Variants in FILIP1L observed in about 807,000 individuals in gnomAD.
FILIP1L encodes the protein filamin A interacting protein 1 like, also known as filamin A-interacting protein 1-like.
Under a neutral mutation model 96.6 loss-of-function variants are expected in FILIP1L, and 55 were observed. That is an observed-to-expected ratio of 0.57 (90% CI 0.46 to 0.71). The LOEUF (loss-of-function observed/expected upper bound fraction) is 0.71. Ranked by LOEUF, FILIP1L falls within the 30% of genes least tolerant of loss-of-function variation. FILIP1L has a pLI of 0.00. For synonymous variants in FILIP1L, 467 were observed against 473.9 expected, an observed-to-expected ratio of 0.99 and a Z score of 0.19; for missense variants, 1,304 against 1,321.2, an observed-to-expected ratio of 0.99 and a Z score of 0.20.
rs757846241 is a variant in FILIP1L, at chr3:99,849,445, G to A, written c.2231C>T (p.Ser744Leu). 1 of 1,614,056 alleles carries A rather than the reference G, an allele frequency of 6.2e-7. No individual in the cohort carries two copies. The highest frequency in any genetic ancestry group is 8.5e-7 in the Non-Finnish European group (1 of 1,179,982). ...TTGATTTAGTTTTTTTTGCAGGACT[G>A]AGTGATCTCCCTGGAGGTGACATAT... ...DLICHLQGDH[S>L]VLQKKLNQQE... The change falls in exon 5 of 6, where the codon TCA becomes TTA. Residue 744 changes from serine to leucine, a missense_variant. By Grantham distance (145) the Ser-to-Leu change is moderately radical. Coordinates refer to ENST00000477258, the MANE Select transcript of FILIP1L (RefSeq NM_001387850.1).
chr3:99,891,772 C>A (rs1054193091), intron 4 of FILIP1L, among the ~76,000 whole-genome samples: 5 of 152,174 alleles, frequency 3.3e-5, no homozygotes, highest in African/African-American at 7.2e-5. Flanking sequence ...CATTTCCATT[C>A]ATTGCTCAGC....
At chr3:100,001,307 T>C (rs1298798877) in intron 1 of FILIP1L, among the ~76,000 whole-genome samples, 7 of 152,214 alleles carry the variant, frequency 4.6e-5, no homozygotes, top group Non-Finnish European at 8.8e-5. Context: ...CATTTACATA[T>C]TATCTATCGC....
intron 4 of FILIP1L, among the ~76,000 whole-genome samples, chr3:99,858,261 C>T (rs188492503): frequency 4.9e-4 from 75 of 152,026 alleles, no homozygotes; most frequent in African/African-American, 1.7e-3. Flanking sequence ...GTGAGGAGAT[C>T]GAGACCATCC....
intron 1 of FILIP1L, among the ~76,000 whole-genome samples, chr3:100,099,804 A>G (rs928865491): frequency 6.6e-6 from 1 of 152,226 alleles, no homozygotes; most frequent in African/African-American, 2.4e-5. Context: ...AGAGCCAGAC[A>G]TTTGAACCAC....
chr3:99,970,633 T>C (rs1708785385), intron 1 of FILIP1L, among the ~76,000 whole-genome samples: 1 of 152,164 alleles, frequency 6.6e-6, no homozygotes, highest in African/African-American at 2.4e-5. Flanking sequence ...ATGTACAGGG[T>C]CACAAGAGTT....
chr3:100,084,418 A>G (rs887150334), intron 1 of FILIP1L, among the ~76,000 whole-genome samples: 6 of 152,196 alleles, frequency 3.9e-5, no homozygotes, highest in African/African-American at 1.4e-4. Flanking sequence ...CTGCTTGCAA[A>G]TTCACATTTT....
intron 4 of FILIP1L, among the ~76,000 whole-genome samples, chr3:99,861,088 C>T (rs1000658972): frequency 6.6e-6 from 1 of 152,142 alleles, no homozygotes; most frequent in Non-Finnish European, 1.5e-5. Flanking sequence ...CCCCTGCTCC[C>T]ACCACCACTC....
intron 1 of FILIP1L, among the ~76,000 whole-genome samples, chr3:100,013,603 C>T (rs1034437582): frequency 1.3e-5 from 2 of 152,004 alleles, no homozygotes; most frequent in African/African-American, 2.4e-5. Context: ...ATATTTATAA[C>T]AGAAAATGAA....
chr3:99,850,535 C>G lies in FILIP1L; in HGVS notation c.1141G>C (p.Asp381His), dbSNP rs752275867. 2 of 1,613,676 alleles carry G rather than the reference C, an allele frequency of 1.2e-6. No homozygotes were observed. The highest frequency in any genetic ancestry group is 2.2e-5 in the South Asian group (2 of 90,996). ...EVEELRKRVL[D>H]MEGKDEELIK... ...AGCTCTTCATCTTTCCCTTCCATAT[C>G]TAGCACACGTTTCCTGAGCTCTTCC... The change falls in exon 5 of 6, where the codon GAT becomes CAT. Residue 381 changes from aspartate to histidine, a missense_variant. Asp to His is a moderately conservative substitution (Grantham distance 81). Transcript: ENST00000477258.
chr3:100,080,999 ATT>A, intron 1 of FILIP1L, among the ~76,000 whole-genome samples: 1 of 152,298 alleles, frequency 6.6e-6, no homozygotes, highest in Admixed American at 6.5e-5. Context: ...TTATGTCATT[ATT>A]TATTCAAGAA....
intron 1 of FILIP1L, among the ~76,000 whole-genome samples, chr3:100,094,939 C>T (rs892444465): frequency 1.3e-5 from 2 of 151,996 alleles, no homozygotes; most frequent in African/African-American, 2.4e-5. Flanking sequence ...CCACCCGCCT[C>T]GGCCTCCCAA....
intron 5 of FILIP1L, among the ~76,000 whole-genome samples, chr3:99,832,167 TA>T (rs1368559438): frequency 6.6e-6 from 1 of 152,176 alleles, no homozygotes; most frequent in Non-Finnish European, 1.5e-5. Context: ...ACGTAGTTTT[TA>T]CCTCTAGATG....
rs766888997 is a variant in FILIP1L, at chr3:99,850,802, C to T, written c.874G>A (p.Glu292Lys). 4.6e-5 allele frequency: 74 copies of T among 1,614,044 alleles called. No individual in the cohort carries two copies. Among genetic ancestry groups the T allele is most frequent in the Non-Finnish European group, 6.2e-5 (73 of 1,180,032 alleles). The change falls in exon 5 of 6, where the codon GAG becomes AAG. Residue 292 changes from glutamate to lysine, a missense_variant. Coordinates refer to ENST00000477258, the MANE Select transcript of FILIP1L (RefSeq NM_001387850.1). ...QEEEQKATRLEKELQTQTTKF... is the reference protein window; with the variant it reads ...QEEEQKATRLKKELQTQTTKF... Reference sequence around the variant, plus strand: ...GTGGTCTGCGTTTGCAGTTCCTTCTCTAGTCTGGTTGCCTTCTGCTCTTCC... The same window carrying T: ...GTGGTCTGCGTTTGCAGTTCCTTCTTTAGTCTGGTTGCCTTCTGCTCTTCC...
intron 4 of FILIP1L, among the ~76,000 whole-genome samples, chr3:99,882,427 T>G (rs79215580): frequency 0.096 from 14,665 of 152,188 alleles, 840 homozygotes; most frequent in African/African-American, 0.16. Flanking sequence ...CTTCCTCATA[T>G]AATGGCTGGA....
chr3:100,019,576 G>A (rs936759473), intron 1 of FILIP1L, among the ~76,000 whole-genome samples: 3 of 152,056 alleles, frequency 2.0e-5, no homozygotes, highest in Admixed American at 6.5e-5. Context: ...CTATTTTAAT[G>A]TATTTAAAGA....
At chr3:99,980,190 G>A (rs895357969) in intron 1 of FILIP1L, among the ~76,000 whole-genome samples, 3 of 152,100 alleles carry the variant, frequency 2.0e-5, no homozygotes. Context: ...GACACTCGGA[G>A]CAAGTTTAGC....
intron 4 of FILIP1L, among the ~76,000 whole-genome samples, chr3:99,861,625 G>A (rs1028527268): frequency 6.6e-6 from 1 of 152,130 alleles, no homozygotes; most frequent in Non-Finnish European, 1.5e-5. Flanking sequence ...CTTTAAGACA[G>A]GGATAATGTC....
intron 1 of FILIP1L, among the ~76,000 whole-genome samples, chr3:99,939,335 C>T (rs901057349): frequency 1.2e-4 from 19 of 152,288 alleles, no homozygotes; most frequent in Non-Finnish European, 2.6e-4. Context: ...GTTCTGCCTC[C>T]AGAACTAAAG....
chr3:100,015,521 A>C (rs1576642813), intron 1 of FILIP1L, among the ~76,000 whole-genome samples: 2 of 152,200 alleles, frequency 1.3e-5, no homozygotes, highest in Non-Finnish European at 2.9e-5. Context: ...TGAACACAGG[A>C]TATCTTTCCA....
Sources: allele counts gnomAD v4.1 joint callset (sites outside exome capture counted in the v4.1 genomes callset), GRCh38; gene constraint gnomAD v4.1.1; transcripts MANE v1.5; gene names NCBI Gene and HGNC (gene_info 2026-07-23, HGNC 2026-07-21).